Variants in KIAA1217 observed in about 807,000 individuals in gnomAD.
KIAA1217 encodes the protein KIAA1217, also known as sickle tail protein homolog.
Under a neutral mutation model 163.9 loss-of-function variants are expected in KIAA1217, and 88 were observed. That is an observed-to-expected ratio of 0.54 (90% CI 0.45 to 0.64). The LOEUF (loss-of-function observed/expected upper bound fraction) is 0.64, where lower values mean the gene tolerates loss of function less well. Among genes scored for constraint, KIAA1217 ranks in the 30% least tolerant of loss-of-function variants. The pLI is 0.00. For missense variants in KIAA1217, 2,372 were observed against 2,475.0 expected (o/e 0.96, Z 0.88); for synonymous variants, 903 against 923.1 (o/e 0.98, Z 0.39).
chr10:24,190,963 G>C (rs558644746), intron 2 of KIAA1217, among the ~76,000 whole-genome samples: 9 of 152,252 alleles, frequency 5.9e-5, no homozygotes, highest in African/African-American at 2.2e-4. Context: ...GGAGGCCAAG[G>C]CTGGCGAATC....
chr10:24,018,929 G>A (rs1022860425), intron 2 of KIAA1217, among the ~76,000 whole-genome samples: 4 of 152,048 alleles, frequency 2.6e-5, no homozygotes, highest in African/African-American at 9.7e-5. Flanking sequence ...GGGCATTATG[G>A]CAAGTGAAAT....
At chr10:23,826,634 A>C (rs1221289256) in intron 1 of KIAA1217, among the ~76,000 whole-genome samples, 3 of 152,164 alleles carry the variant, frequency 2.0e-5, no homozygotes, top group Admixed American at 2.0e-4. Context: ...GATGGAGTTC[A>C]AGTAGCGGAC....
intron 2 of KIAA1217, among the ~76,000 whole-genome samples, chr10:24,088,274 T>TACACAC (rs1257847458): frequency 9.3e-6 from 1 of 107,246 alleles, no homozygotes; most frequent in Non-Finnish European, 2.2e-5. Context: ...TATATATATA[T>TACACAC]ACACACATAT....
intron 3 of KIAA1217, among the ~76,000 whole-genome samples, chr10:24,414,423 T>A (rs912498378): frequency 1.3e-5 from 2 of 152,192 alleles, no homozygotes; most frequent in Non-Finnish European, 2.9e-5. Flanking sequence ...ATGTTATGAT[T>A]GGGGTAGCTC....
intron 2 of KIAA1217, among the ~76,000 whole-genome samples, chr10:24,102,629 A>G (rs188186363): frequency 4.7e-4 from 71 of 152,364 alleles, no homozygotes; most frequent in Non-Finnish European, 7.9e-4. Context: ...GACATTCCCC[A>G]ACTTCATGAC....
intron 1 of KIAA1217, among the ~76,000 whole-genome samples, chr10:23,987,376 C>CAA (rs34281134): frequency 0.029 from 2,681 of 93,450 alleles, 159 homozygotes; most frequent in African/African-American, 0.097. Flanking sequence ...GACTCCATCT[C>CAA]AAAAAAAAAA....
chr10:24,139,245 A>G (rs114376992), intron 2 of KIAA1217, among the ~76,000 whole-genome samples: 2,551 of 152,166 alleles, frequency 0.017, 63 homozygotes, highest in African/African-American at 0.057. Context: ...TAATATATAT[A>G]TTTGGAATTT....
intron 2 of KIAA1217, among the ~76,000 whole-genome samples, chr10:24,298,963 T>C (rs568448256): frequency 6.6e-6 from 1 of 152,282 alleles, no homozygotes; most frequent in African/African-American, 2.4e-5. Context: ...GCTCTTCTCT[T>C]CAACTTTCAG....
intron 1 of KIAA1217, among the ~76,000 whole-genome samples, chr10:23,717,948 C>G (rs1417898130): frequency 6.6e-6 from 1 of 152,162 alleles, no homozygotes; most frequent in Non-Finnish European, 1.5e-5. Context: ...ATAGATGTAT[C>G]TTTCCAAAAT....
intron 2 of KIAA1217, among the ~76,000 whole-genome samples, chr10:24,263,338 C>T (rs1244079432): frequency 6.6e-6 from 1 of 152,178 alleles, no homozygotes; most frequent in African/African-American, 2.4e-5. Flanking sequence ...TGGGTCGTTT[C>T]ATGGGGGCTG....
At chr10:23,825,161 G>A (rs1837840200) in intron 1 of KIAA1217, among the ~76,000 whole-genome samples, 1 of 152,070 alleles carries the variant, frequency 6.6e-6, no homozygotes, top group African/African-American at 2.4e-5. Context: ...AACCCTATTA[G>A]TGGTATTAGA....
Position 24,001,069 on chromosome 10 carries a change from A to AACACAC in KIAA1217, c.-320-6134_-320-6129dup, listed in dbSNP as rs35481656. On this transcript the variant is annotated intron_variant, in intron 1 of 18. Transcript: ENST00000376462. ...CAGAATAGGGCCAGACTGCAAAGTA[A>AACACAC]ACACACACACACACACACACACACA... is the stretch of plus-strand genomic sequence containing the variant. Among the ~76,000 whole-genome samples the AACACAC allele has an allele frequency of 6.4e-3, 957 of 149,306 alleles. 17 individuals carry two copies. The highest frequency in any genetic ancestry group is 0.022 in the African/African-American group (901 of 40,752).
rs763517809 is a variant in KIAA1217 at position 24,543,508 on chromosome 10, C to T, written c.4238C>T (p.Thr1413Met). 13 of 1,614,018 alleles carry T rather than the reference C, an allele frequency of 8.1e-6. No individual in the cohort carries two copies. The highest frequency in any genetic ancestry group is 6.7e-5 in the African/African-American group (5 of 74,964). Residue 1413 changes from threonine to methionine, a missense_variant, in exon 19 of 21, where the codon ACG becomes ATG. By Grantham distance (81) the Thr-to-Met change is moderately conservative (BLOSUM62 -1). This residue lies in a region of KIAA1217 where 690 missense variants were observed against 677.5 expected (regional missense o/e 1.02). Transcript: ENST00000376454. ...AGCCAAAAGGGAGAAGACATACAGA[C>T]GGTTAATATCGATGCCAGAAAAGAG... ...IVSQKGEDIQ[T>M]VNIDARKEMT...
rs1451229171 is a variant in KIAA1217, at chr10:24,083,203, CAAG to C, written c.-171+75830_-171+75832del. ...TTTTGTAGAGGAGCAGGATGGGAAA[CAAG>C]GAGGAGCTAAGGGGCCTTCTCAGGG... On this transcript the variant is annotated intron_variant, in intron 2 of 18. Transcript: ENST00000376462. Among the ~76,000 whole-genome samples, 7 of 152,240 alleles carry C rather than the reference CAAG, an allele frequency of 4.6e-5. No homozygotes were observed. The South Asian group carries it at 6.2e-4, about 14-fold the overall frequency.
chr10:24,397,304 G>A (rs1051240975), intron 3 of KIAA1217, among the ~76,000 whole-genome samples: 3 of 152,024 alleles, frequency 2.0e-5, no homozygotes, highest in African/African-American at 4.8e-5. Context: ...TGGCCAGGCT[G>A]GTCTCGAACT....
intron 2 of KIAA1217, among the ~76,000 whole-genome samples, chr10:24,059,646 T>C (rs911919337): frequency 6.6e-6 from 1 of 152,076 alleles, no homozygotes; most frequent in Non-Finnish European, 1.5e-5. Flanking sequence ...GGCGTGATCT[T>C]GGCTCACTGC....
intron 1 of KIAA1217, among the ~76,000 whole-genome samples, chr10:23,951,245 TAAG>T (rs1387151554): frequency 6.6e-6 from 1 of 151,892 alleles, no homozygotes; most frequent in African/African-American, 2.4e-5. Flanking sequence ...CAAAAGGAAA[TAAG>T]AAGAACAAGG....
At chr10:24,210,611 ATTCAGAGGC>A (rs1309296731) in intron 1 of KIAA1217, among the ~76,000 whole-genome samples, 1 of 152,156 alleles carries the variant, frequency 6.6e-6, no homozygotes, top group East Asian at 1.9e-4. Flanking sequence ...AATCAGGGCA[ATTCAGAGGC>A]TTCAGAGGCT....
intron 1 of KIAA1217, among the ~76,000 whole-genome samples, chr10:23,706,518 C>A (rs1010767930): frequency 6.6e-6 from 1 of 152,138 alleles, no homozygotes; most frequent in African/African-American, 2.4e-5. Flanking sequence ...TTTCTGTATC[C>A]ATTAAGATGA....
Sources: allele counts gnomAD v4.1 joint callset (sites outside exome capture counted in the v4.1 genomes callset), GRCh38; gene constraint gnomAD v4.1.1; regional missense constraint gnomAD v4.1.1; transcripts MANE v1.5; gene names NCBI Gene and HGNC (gene_info 2026-07-23, HGNC 2026-07-21).